The following ARSB variants were observed in gnomAD, a reference collection of about 807,000 sequenced individuals.
ARSB encodes N-acetylgalactosamine-4-sulfatase.
A neutral mutation model predicts 50.9 loss-of-function variants in ARSB; 41 were observed. That is an observed-to-expected ratio of 0.81 (90% confidence interval 0.63 to 1.04). The LOEUF is 1.04. Ranked by LOEUF, ARSB falls within the 50% of genes least tolerant of loss-of-function variation. The probability of loss-of-function intolerance (pLI) is 0.00; values close to 1 mark genes in which losing one functional copy is unlikely to be tolerated. For synonymous variants in ARSB, 269 were observed against 284.8 expected (o/e 0.94, Z 0.56); for missense variants, 672 against 693.3 (o/e 0.97, Z 0.35).
intron 6 of ARSB, among the ~76,000 whole-genome samples, chr5:78,786,927 A>G (rs1561424191): frequency 6.6e-6 from 1 of 151,474 alleles, no homozygotes; most frequent in South Asian, 2.1e-4. Context: ...TTTTGTATAT[A>G]GATATCTCAG....
At chr5:78,947,054 G>A (rs893331891) in intron 4 of ARSB, among the ~76,000 whole-genome samples, 6 of 152,154 alleles carry the variant, frequency 3.9e-5, no homozygotes, top group African/African-American at 1.4e-4. Context: ...AATAAATGGT[G>A]CTGGGAAAAC....
At position 78,780,303 on chromosome 5, in the gene ARSB, G is replaced by A. The variant is rs1011886534; in HGVS notation, c.*94C>T. 2.5e-6 allele frequency: 4 copies of A among 1,569,784 alleles called. No homozygotes were observed. The highest frequency in any genetic ancestry group is 1.4e-5 in the African/African-American group (1 of 74,000). On this transcript the variant is annotated 3_prime_UTR_variant, in exon 8 of 8. Transcript: ENST00000264914. ...TTTAAGAGCAAGAGAAGGGCCAAGT[G>A]AACCCAGGTTGGGATAACAAATGAG...
At chr5:78,978,256 T>C (rs901338393) in intron 1 of ARSB, among the ~76,000 whole-genome samples, 1 of 151,908 alleles carries the variant, frequency 6.6e-6, no homozygotes, top group African/African-American at 2.4e-5. Context: ...GGAGAATTGT[T>C]TGAACCCATG....
At chr5:78,812,877 G>C (rs1189934536) in intron 6 of ARSB, among the ~76,000 whole-genome samples, 1 of 152,136 alleles carries the variant, frequency 6.6e-6, no homozygotes, top group Non-Finnish European at 1.5e-5. Context: ...TATAGTCTCA[G>C]TTACTCAGGA....
chr5:78,901,250 TATAAC>T (rs1200460639), intron 4 of ARSB, among the ~76,000 whole-genome samples: 1 of 152,108 alleles, frequency 6.6e-6, no homozygotes, highest in East Asian at 1.9e-4. Context: ...CCCCTTGTCA[TATAAC>T]ATAACATATT....
intron 4 of ARSB, among the ~76,000 whole-genome samples, chr5:78,899,726 C>G (rs532081902): frequency 6.6e-6 from 1 of 152,120 alleles, no homozygotes; most frequent in Non-Finnish European, 1.5e-5. Context: ...TTCTGCTTTT[C>G]TGTATTATCT....
chr5:78,830,071 T>G (rs1363899994), intron 6 of ARSB, among the ~76,000 whole-genome samples: 3 of 152,218 alleles, frequency 2.0e-5, no homozygotes, highest in African/African-American at 7.2e-5. Context: ...TCTGCTTTTG[T>G]GTTGAAATTC....
At chr5:78,955,651 T>A in intron 3 of ARSB, 149 bp from the exon 4 acceptor site, 1 of 718,628 alleles carries the variant, frequency 1.4e-6, no homozygotes, top group South Asian at 1.6e-5. Context: ...ACATGTATGA[T>A]AAGGGACTCA....
chr5:78,983,964 T>C (rs946405378), intron 1 of ARSB, among the ~76,000 whole-genome samples: 1 of 152,174 alleles, frequency 6.6e-6, no homozygotes, highest in African/African-American at 2.4e-5. Context: ...ACAGTTCCCA[T>C]TTACTGTATT....
At chr5:78,899,394 C>A (rs1256573181) in intron 4 of ARSB, among the ~76,000 whole-genome samples, 2 of 152,168 alleles carry the variant, frequency 1.3e-5, no homozygotes, top group African/African-American at 4.8e-5. Flanking sequence ...CCTTTTGAAT[C>A]AACTTTCTAC....
intron 5 of ARSB, among the ~76,000 whole-genome samples, chr5:78,853,777 C>A (rs1482253824): frequency 6.6e-6 from 1 of 152,250 alleles, no homozygotes; most frequent in East Asian, 1.9e-4. Flanking sequence ...GTGCCCCTCC[C>A]CCAGCCTCGC....
intron 5 of ARSB, among the ~76,000 whole-genome samples, chr5:78,873,526 C>T (rs377676565): frequency 7.3e-5 from 4 of 54,860 alleles, no homozygotes; most frequent in South Asian, 6.7e-4. Context: ...GACGGAGTCT[C>T]GCTCTGTCGC....
chr5:78,962,302 G>C (rs991726793), intron 3 of ARSB, among the ~76,000 whole-genome samples: 3 of 152,166 alleles, frequency 2.0e-5, no homozygotes, highest in Non-Finnish European at 4.4e-5. Flanking sequence ...GAGGATTTAA[G>C]CCAATTACCT....
chr5:78,956,300 A>G (rs557343698), intron 3 of ARSB, among the ~76,000 whole-genome samples: 25 of 152,212 alleles, frequency 1.6e-4, no homozygotes, highest in Non-Finnish European at 3.5e-4. Context: ...CATTTATATG[A>G]AATTCCAGAA....
chr5:78,855,623 G>T (rs1746100614), intron 5 of ARSB, among the ~76,000 whole-genome samples: 1 of 152,178 alleles, frequency 6.6e-6, no homozygotes, highest in Non-Finnish European at 1.5e-5. Flanking sequence ...AGCTATGTGG[G>T]CCACAGGGTG....
chr5:78,973,263 T>C (rs572002152), intron 1 of ARSB, among the ~76,000 whole-genome samples: 11 of 152,352 alleles, frequency 7.2e-5, no homozygotes, highest in African/African-American at 2.6e-4. Context: ...AGGTTCTACA[T>C]GTAATATACG....
chr5:78,970,926 A>G (rs1041542851), intron 1 of ARSB, among the ~76,000 whole-genome samples: 1 of 152,218 alleles, frequency 6.6e-6, no homozygotes, highest in African/African-American at 2.4e-5. Context: ...ATACCACTGC[A>G]CTGCACTCCA....
chr5:78,789,998 G>A (rs1329261262), intron 6 of ARSB, among the ~76,000 whole-genome samples: 1 of 152,134 alleles, frequency 6.6e-6, no homozygotes, highest in East Asian at 1.9e-4. Flanking sequence ...GGGAAGCGTG[G>A]CACAAACAGC....
intron 6 of ARSB, among the ~76,000 whole-genome samples, chr5:78,782,676 G>A (rs73118689): frequency 0.011 from 1,663 of 152,296 alleles, 33 homozygotes; most frequent in African/African-American, 0.038. Flanking sequence ...AACCAATTAA[G>A]AGGTAGAAGA....
Sources: allele counts gnomAD v4.1 joint callset (sites outside exome capture counted in the v4.1 genomes callset), GRCh38; gene constraint gnomAD v4.1.1; transcripts MANE v1.5; gene names NCBI Gene and HGNC (gene_info 2026-07-23, HGNC 2026-07-21).